Variants in JMJD1C observed in about 807,000 individuals in gnomAD.
JMJD1C encodes the protein jumonji domain containing 1C, also known as jumonji domain-containing protein 1C.
A neutral mutation model predicts 245.3 loss-of-function variants in JMJD1C; 31 were observed. The observed-to-expected ratio is 0.13, with a 90% CI of 0.09 to 0.17. The LOEUF is 0.17. Among genes scored for constraint, JMJD1C ranks in the 10% least tolerant of loss-of-function variants. The pLI is 1.00. For missense variants in JMJD1C, 2,691 were observed against 3,000.2 expected, an observed-to-expected ratio of 0.90 and a Z score of 2.41; for synonymous variants, 1,057 against 1,017.4, an observed-to-expected ratio of 1.04 and a Z score of -0.74.
chr10:63,457,646 T>C (rs1025695727), intron 1 of JMJD1C, among the ~76,000 whole-genome samples: 3 of 152,152 alleles, frequency 2.0e-5, no homozygotes, highest in African/African-American at 4.8e-5. Context: ...CATAGGGCTA[T>C]AGAAATGAAG....
chr10:63,250,185 G>C (rs184991783), intron 3 of JMJD1C, among the ~76,000 whole-genome samples: 6 of 151,958 alleles, frequency 3.9e-5, no homozygotes, highest in Admixed American at 3.3e-4. Flanking sequence ...ATGCCTGGCT[G>C]ATTTTATTTT....
intron 10 of JMJD1C, chr10:63,203,259 T>C (rs1846228147): frequency 1.0e-6 from 1 of 973,524 alleles, no homozygotes; most frequent in South Asian, 4.8e-5. Context: ...TTCAATTCCA[T>C]ATATATATAA....
chr10:63,368,330 A>G (rs991551383), intron 2 of JMJD1C, among the ~76,000 whole-genome samples: 11 of 152,236 alleles, frequency 7.2e-5, no homozygotes, highest in African/African-American at 2.7e-4. Flanking sequence ...TGCTCTGTGC[A>G]GGAAAATGCT....
At chr10:63,461,559 T>C (rs1952801936) in intron 1 of JMJD1C, among the ~76,000 whole-genome samples, 1 of 152,234 alleles carries the variant, frequency 6.6e-6, no homozygotes, top group African/African-American at 2.4e-5. Flanking sequence ...ATTATTCATA[T>C]TTAAGACAGA....
chr10:63,239,956 T>C (rs7101043), intron 3 of JMJD1C, among the ~76,000 whole-genome samples: 102 of 152,316 alleles, frequency 6.7e-4, no homozygotes, highest in African/African-American at 2.3e-3. Flanking sequence ...CAATCCTTAT[T>C]GATCTTACAC....
intron 1 of JMJD1C, among the ~76,000 whole-genome samples, chr10:63,433,127 T>C (rs533986150): frequency 2.0e-5 from 3 of 151,138 alleles, no homozygotes; most frequent in South Asian, 2.1e-4. Context: ...GTTTTGCTCT[T>C]GTTGCCCAGG....
At chr10:63,255,188 C>T (rs1029915556) in intron 3 of JMJD1C, among the ~76,000 whole-genome samples, 4 of 152,138 alleles carry the variant, frequency 2.6e-5, no homozygotes, top group African/African-American at 9.7e-5. Flanking sequence ...AACCTAGATG[C>T]CAAGTCACAG....
intron 1 of JMJD1C, chr10:63,382,934 T>A: frequency 2.2e-6 from 1 of 452,540 alleles, no homozygotes; most frequent in Non-Finnish European, 4.4e-6. Context: ...TTACTTTTTT[T>A]ATAGCTTACA....
chr10:63,336,681 A>G (rs1314201619), intron 2 of JMJD1C, among the ~76,000 whole-genome samples: 1 of 152,142 alleles, frequency 6.6e-6, no homozygotes, highest in Non-Finnish European at 1.5e-5. Flanking sequence ...GACATCATCA[A>G]GGTGTTATGG....
At chr10:63,324,716 G>C (rs556706328) in intron 2 of JMJD1C, among the ~76,000 whole-genome samples, 28 of 152,174 alleles carry the variant, frequency 1.8e-4, no homozygotes, top group Non-Finnish European at 2.8e-4. Context: ...ACAAGTAAAC[G>C]TGTATGTCAG....
chr10:63,190,456 T>G (rs1844652987), intron 17 of JMJD1C, among the ~76,000 whole-genome samples: 1 of 152,066 alleles, frequency 6.6e-6, no homozygotes, highest in Admixed American at 6.6e-5. Context: ...GCCGCCTCAG[T>G]CTCCGAAAGT....
chr10:63,273,237 A>T (rs1856495886), intron 2 of JMJD1C, among the ~76,000 whole-genome samples: 1 of 152,224 alleles, frequency 6.6e-6, no homozygotes, highest in Non-Finnish European at 1.5e-5. Flanking sequence ...TCTGTTGTCC[A>T]GGCCAGAGTG....
At chr10:63,194,693 T>C (rs1845241405) in intron 13 of JMJD1C, 2 of 229,184 alleles carry the variant, frequency 8.7e-6, no homozygotes, top group South Asian at 1.4e-4. Flanking sequence ...GCTAATCTTC[T>C]ATCTCTTAGC....
At chr10:63,450,149 A>G (rs1951954828) in intron 1 of JMJD1C, among the ~76,000 whole-genome samples, 1 of 152,122 alleles carries the variant, frequency 6.6e-6, no homozygotes, top group African/African-American at 2.4e-5. Context: ...AAAGAAAAGC[A>G]AAATTAGACC....
chr10:63,318,985 C>T (rs1224151068), intron 2 of JMJD1C, among the ~76,000 whole-genome samples: 1 of 151,982 alleles, frequency 6.6e-6, no homozygotes, highest in Non-Finnish European at 1.5e-5. Context: ...AATCTAGGTT[C>T]TCTTCAAACC....
chr10:63,346,980 T>C (rs1416244895), intron 2 of JMJD1C, among the ~76,000 whole-genome samples: 1 of 152,074 alleles, frequency 6.6e-6, no homozygotes, highest in Non-Finnish European at 1.5e-5. Flanking sequence ...ATGATACATA[T>C]TTTCACACCA....
intron 2 of JMJD1C, among the ~76,000 whole-genome samples, chr10:63,346,148 T>G (rs1564814809): frequency 6.6e-6 from 1 of 152,020 alleles, no homozygotes; most frequent in Non-Finnish European, 1.5e-5. Context: ...CCTCAAGAGA[T>G]TCTCCTAACT....
rs141859611 is a variant in JMJD1C at position 63,353,551 on chromosome 10, T to C, written c.333+26767A>G. 1.6e-3 allele frequency among the ~76,000 whole-genome samples: 251 copies of C among 152,282 alleles called. 2 individuals carry two copies. The highest frequency in any genetic ancestry group is 5.9e-3 in the African/African-American group (244 of 41,556). On this transcript the variant is annotated intron_variant, in intron 2 of 25. Transcript: ENST00000399262. ...TTTTTTGGTTGAGACAGTCTCACTC[T>C]ATCACCCAGGCTGGAGTGCAGTGGC...
chr10:63,291,006 T>C (rs1858609547), intron 2 of JMJD1C, among the ~76,000 whole-genome samples: 1 of 152,140 alleles, frequency 6.6e-6, no homozygotes, highest in African/African-American at 2.4e-5. Flanking sequence ...CTTTGTTTCT[T>C]TTTAAGAAAC....
Sources: allele counts gnomAD v4.1 joint callset (sites outside exome capture counted in the v4.1 genomes callset), GRCh38; gene constraint gnomAD v4.1.1; transcripts MANE v1.5; gene names NCBI Gene and HGNC (gene_info 2026-07-23, HGNC 2026-07-21).